Variants in GPR161 observed in about 807,000 individuals in gnomAD.
The protein encoded by GPR161 is G-protein coupled receptor RE2.
Under a neutral mutation model 39.2 loss-of-function variants are expected in GPR161, and 25 were observed. That is an observed-to-expected ratio of 0.64 (90% CI 0.47 to 0.89). GPR161 has a LOEUF of 0.89. GPR161 is among the 40% of genes least tolerant of loss of function. The pLI is 0.00. For synonymous variants in GPR161, 286 were observed against 276.6 expected, an observed-to-expected ratio of 1.03 and a Z score of -0.34; for missense variants, 547 against 677.8, an observed-to-expected ratio of 0.81 and a Z score of 2.14.
intron 1 of GPR161, among the ~76,000 whole-genome samples, chr1:168,119,275 T>C (rs57469515): frequency 0.012 from 1,243 of 99,702 alleles, 67 homozygotes; most frequent in South Asian, 0.033. Context: ...TATGTGTATA[T>C]ATATATATAT....
intron 2 of GPR161, among the ~76,000 whole-genome samples, chr1:168,104,043 A>G (rs1291624204): frequency 1.3e-5 from 2 of 152,026 alleles, no homozygotes; most frequent in Non-Finnish European, 2.9e-5. Context: ...CTCTCCTTTC[A>G]GTCCTGGACT....
At position 168,085,481 on chromosome 1, in the gene GPR161, C is replaced by A; in HGVS notation, c.*50G>T. On this transcript the variant is annotated 3_prime_UTR_variant, in exon 6 of 6. Coordinates refer to ENST00000682931, the MANE Select transcript of GPR161 (RefSeq NM_001375883.1). ...CGCGGCACAGGCGGTGATGGGAACTCCTCCCCGGGCCAGCCTCTCAGGCTG... is the reference window on the plus strand; with the variant it reads ...CGCGGCACAGGCGGTGATGGGAACTACTCCCCGGGCCAGCCTCTCAGGCTG... 1.3e-6 allele frequency: 2 copies of A among 1,561,272 alleles called. No individual in the cohort carries two copies. The highest frequency in any genetic ancestry group is 1.7e-6 in the Non-Finnish European group (2 of 1,146,216).
intron 3 of GPR161, among the ~76,000 whole-genome samples, chr1:168,094,092 G>A (rs956481321): frequency 6.6e-6 from 1 of 152,208 alleles, no homozygotes; most frequent in Non-Finnish European, 1.5e-5. Context: ...ACCACAGCTG[G>A]TGTTTTCCGC....
At chr1:168,116,572 A>G (rs535906899) in intron 1 of GPR161, among the ~76,000 whole-genome samples, 7 of 152,354 alleles carry the variant, frequency 4.6e-5, no homozygotes, top group Admixed American at 4.6e-4. Context: ...AAACCAGGCC[A>G]CACAGCTCGT....
rs76925227 is a variant in GPR161 at position 168,112,617 on chromosome 1, T to C, written c.-44-7723A>G. On this transcript the variant is annotated intron_variant, in intron 1 of 5. Transcript: ENST00000682931. ...TCATGCCTGTAATTCCAGCACTTTG[T>C]GGGCCGAGGTGGGCGGATCACTTGA... 1.0e-3 allele frequency among the ~76,000 whole-genome samples: 158 copies of C among 151,882 alleles called. No homozygotes were observed. In the East Asian group the frequency reaches 0.013, roughly 13 times the overall value.
At position 168,104,545 on chromosome 1, in the gene GPR161, G is replaced by T; in HGVS notation, c.306C>A (p.Phe102Leu). 6.2e-7 allele frequency: 1 copy of T among 1,614,116 alleles called. No individual in the cohort carries two copies. ...TGATCAGCAGGTAGAGGAGGGCAGA[G>T]AAGTTGCACCACACTACACCAAAGA... is the stretch of plus-strand genomic sequence containing the variant. ...EWIFGVVWCN[F>L]SALLYLLISS... Residue 102 changes from phenylalanine to leucine, a missense_variant, in exon 2 of 6, where the codon TTC becomes TTA. Transcript: ENST00000682931.
chr1:168,099,552 A>G (rs1161945846), intron 2 of GPR161, among the ~76,000 whole-genome samples: 1 of 152,118 alleles, frequency 6.6e-6, no homozygotes, highest in African/African-American at 2.4e-5. Context: ...GCTCTTCTCA[A>G]CACCCAGTTA....
intron 1 of GPR161, among the ~76,000 whole-genome samples, chr1:168,126,463 GT>G (rs138538350): frequency 1.3e-4 from 20 of 151,712 alleles, no homozygotes; most frequent in African/African-American, 4.6e-4. Flanking sequence ...GTTTTGTTTT[GT>G]TTTTTTTGAG....
intron 1 of GPR161, among the ~76,000 whole-genome samples, chr1:168,120,290 C>T (rs1698060378): frequency 6.6e-6 from 1 of 152,170 alleles, no homozygotes; most frequent in African/African-American, 2.4e-5. Flanking sequence ...TTAATGACTG[C>T]CCAGCTGGGT....
intron 4 of GPR161, among the ~76,000 whole-genome samples, chr1:168,089,835 G>A (rs912713989): frequency 4.6e-5 from 7 of 152,336 alleles, no homozygotes; most frequent in Non-Finnish European, 7.4e-5. Context: ...CCACCTCCCC[G>A]GTGCCATGAC....
chr1:168,090,522 G>A lies in GPR161; in HGVS notation c.1204+42C>T, dbSNP rs751443321. 3 of 1,197,028 alleles carry A rather than the reference G, an allele frequency of 2.5e-6. No individual in the cohort carries two copies. The East Asian group carries it at 7.0e-5, about 28-fold the overall frequency. The allele number at this position is 1,197,028 out of a possible 1,614,324, so 74.2% of individuals were successfully genotyped here. ...CGACACGGGGGAAACGCAACACAGGGAAAACGCGACAGGTGAGAGGCTTAT... is the reference window on the plus strand; with the variant it reads ...CGACACGGGGGAAACGCAACACAGGAAAAACGCGACAGGTGAGAGGCTTAT... On this transcript the variant is annotated intron_variant, in intron 4 of 5. Coordinates refer to ENST00000682931, the MANE Select transcript of GPR161 (RefSeq NM_001375883.1).
chr1:168,113,957 A>G (rs1697423748), intron 1 of GPR161, among the ~76,000 whole-genome samples: 1 of 152,222 alleles, frequency 6.6e-6, no homozygotes, highest in Non-Finnish European at 1.5e-5. Context: ...AAACCTGCAC[A>G]TGTACCACTG....
chr1:168,091,415 G>C (rs1300942723), intron 3 of GPR161, among the ~76,000 whole-genome samples: 1 of 152,188 alleles, frequency 6.6e-6, no homozygotes, highest in Non-Finnish European at 1.5e-5. Flanking sequence ...CACTTAACCT[G>C]GGCTGGAGAC....
At chr1:168,110,428 G>A (rs957212029) in intron 1 of GPR161, among the ~76,000 whole-genome samples, 1 of 150,112 alleles carries the variant, frequency 6.7e-6, no homozygotes, top group African/African-American at 2.5e-5. Flanking sequence ...GAGCCCAGGA[G>A]GTTGAGGCTG....
intron 1 of GPR161, among the ~76,000 whole-genome samples, chr1:168,116,476 T>A (rs1448302014): frequency 6.6e-6 from 1 of 151,962 alleles, no homozygotes; most frequent in Non-Finnish European, 1.5e-5. Flanking sequence ...GCGGGGTGTG[T>A]GGTGGGGGTA....
rs1698750485 is a variant in GPR161 at position 168,128,440 on chromosome 1, A to G, written c.-45+8299T>C. Among the ~76,000 whole-genome samples the G allele has an allele frequency of 2.0e-5, 3 of 152,242 alleles. No homozygotes were observed. The South Asian group carries it at 6.2e-4, about 31-fold the overall frequency. On this transcript the variant is annotated intron_variant, in intron 1 of 5. Transcript: ENST00000682931. Reference sequence around the variant, plus strand: ...TTTACAATACACAAGATAGCCCCCAACAACAGAGAATTATCCGGTCAAAAA... The same window carrying G: ...TTTACAATACACAAGATAGCCCCCAGCAACAGAGAATTATCCGGTCAAAAA...
In GPR161 at chr1:168,085,200, T is replaced by G; in HGVS notation, c.*331A>C. ...CATGTGGGGGTCTCCTTCCAAGCCC[T>G]TCGTCTCTGGTCCTCCCATGCCCCA... is the stretch of plus-strand genomic sequence containing the variant. On this transcript the variant is annotated 3_prime_UTR_variant, in exon 6 of 6. Coordinates refer to ENST00000682931, the MANE Select transcript of GPR161 (RefSeq NM_001375883.1). 1 of 449,438 alleles carries G rather than the reference T, an allele frequency of 2.2e-6. No homozygotes were observed. Among genetic ancestry groups the G allele is most frequent in the Non-Finnish European group, 4.2e-6 (1 of 237,458 alleles). 27.8% of individuals were successfully genotyped at this position (449,438 alleles called of 1,614,324 possible).
chr1:168,111,919 T>G (rs1265684241), intron 1 of GPR161, among the ~76,000 whole-genome samples: 1 of 151,032 alleles, frequency 6.6e-6, no homozygotes, highest in Non-Finnish European at 1.5e-5. Context: ...AAAAAACAAT[T>G]TCACCTATAG....
At chr1:168,110,774 A>G (rs1212014185) in intron 1 of GPR161, among the ~76,000 whole-genome samples, 1 of 151,904 alleles carries the variant, frequency 6.6e-6, no homozygotes, top group African/African-American at 2.4e-5. Context: ...ACATACAAAA[A>G]TTGTCTGGGT....
Sources: gnomAD v4.1 joint callset for allele counts (sites outside exome capture counted in the v4.1 genomes callset) on GRCh38, gnomAD v4.1.1 for gene constraint, MANE v1.5 for transcripts, NCBI Gene and HGNC (gene_info 2026-07-23, HGNC 2026-07-21) for gene names.